Variants in CCT3 observed in about 807,000 individuals in gnomAD.
The protein encoded by CCT3 is chaperonin containing TCP1 subunit 3.
CCT3 carries 10 observed loss-of-function variants against 65.3 expected under a neutral mutation model. The observed-to-expected ratio is 0.15, with a 90% CI of 0.09 to 0.26. The LOEUF (loss-of-function observed/expected upper bound fraction) is 0.26. Ranked by LOEUF, CCT3 falls within the 10% of genes least tolerant of loss-of-function variation. The pLI is 1.00. For synonymous variants in CCT3, 225 were observed against 242.3 expected (o/e 0.93, Z 0.66); for missense variants, 626 against 708.7 (o/e 0.88, Z 1.33).
intron 10 of CCT3, among the ~76,000 whole-genome samples, chr1:156,316,702 A>G (rs1427097607): frequency 6.6e-6 from 1 of 152,248 alleles, no homozygotes; most frequent in African/African-American, 2.4e-5. Context: ...TCTATTAAAA[A>G]GAATGGTCTA....
At chr1:156,310,037 CAAAAAAAAAAA>C (rs71080758) in intron 13 of CCT3, among the ~76,000 whole-genome samples, 3 of 76,494 alleles carry the variant, frequency 3.9e-5, no homozygotes, top group African/African-American at 5.7e-5. Context: ...TAGTCTGTTT[CAAAAAAAAAAA>C]AAAAAAAAAA....
intron 4 of CCT3, among the ~76,000 whole-genome samples, chr1:156,334,002 C>T (rs1665221914): frequency 6.6e-6 from 1 of 152,100 alleles, no homozygotes; most frequent in Non-Finnish European, 1.5e-5. Context: ...CTTTGGGAGG[C>T]GGAGGCAGGT....
chr1:156,310,993 T>C lies in CCT3; in HGVS notation c.1358A>G (p.Gln453Arg), dbSNP rs1397026441. The C allele has an allele frequency of 6.2e-7, 1 of 1,614,106 alleles. No individual in the cohort carries two copies. Among genetic ancestry groups the C allele is most frequent in the Non-Finnish European group, 8.5e-7 (1 of 1,180,024 alleles). The change falls in exon 12 of 14, where the codon CAG (glutamine) becomes CGG (arginine). Residue 453 changes from glutamine to arginine, a missense_variant. Physicochemically the swap from Gln to Arg is conservative, Grantham distance 43 (BLOSUM62 1). Transcript: ENST00000295688. ...ALEVIPRTLI[Q>R]NCGASTIRLL... ...ACGGATGGTGCTGGCCCCACAGTTC[T>C]GGATCAGGGTACGAGGAATGACCTC...
chr1:156,323,659 G>A (rs1664671670), intron 6 of CCT3, among the ~76,000 whole-genome samples: 1 of 151,882 alleles, frequency 6.6e-6, no homozygotes, highest in African/African-American at 2.4e-5. Context: ...TAGAGATGGG[G>A]TTTCACCATG....
chr1:156,311,225 CAA>C, intron 11 of CCT3, 30 bp from the exon 12 acceptor site: 1 of 1,604,374 alleles, frequency 6.2e-7, no homozygotes, highest in Non-Finnish European at 8.5e-7. Flanking sequence ...AGTATGAAGC[CAA>C]AGCTTGATGA....
At chr1:156,335,269 T>C (rs975680460) in intron 2 of CCT3, 25 of 214,668 alleles carry the variant, frequency 1.2e-4, no homozygotes, top group Non-Finnish European at 1.9e-5. Flanking sequence ...CTCTGTTGTT[T>C]TTCTCCCCTT....
rs773818166 is a variant in CCT3, at chr1:156,333,597, C to T, written c.254G>A (p.Arg85Gln). 4.3e-6 allele frequency: 7 copies of T among 1,613,832 alleles called. No homozygotes were observed. The highest frequency in any genetic ancestry group is 1.3e-5 in the African/African-American group (1 of 74,902). Reference sequence around the variant, plus strand: ...ATCTCCAACCTCTTCATCCTGGGTCCGGCTAATTTCGATCATGGACTTGGC... The same window carrying T: ...ATCTCCAACCTCTTCATCCTGGGTCTGGCTAATTTCGATCATGGACTTGGC... ...PAAKSMIEIS[R>Q]TQDEEVGDGT... The change falls in exon 5 of 14, where the codon CGG becomes CAG. Residue 85 changes from arginine to glutamine, a missense_variant. Arg to Gln is a conservative substitution (Grantham distance 43). Coordinates refer to ENST00000295688, the MANE Select transcript of CCT3 (RefSeq NM_005998.5).
At position 156,320,828 on chromosome 1, in the gene CCT3, T is replaced by C; in HGVS notation, c.609+11A>G. 6.3e-7 allele frequency: 1 copy of C among 1,584,780 alleles called. No individual in the cohort carries two copies. The highest frequency in any genetic ancestry group is 8.7e-7 in the Non-Finnish European group (1 of 1,154,076). On this transcript the variant is annotated intron_variant, in intron 7 of 13. Coordinates refer to ENST00000295688, the MANE Select transcript of CCT3 (RefSeq NM_005998.5). ...ATAATTTGACCCAATGTATACACTT[T>C]GAAAGTTTACCTTTTCCACTCTTGC... is the stretch of plus-strand genomic sequence containing the variant.
chr1:156,326,262 A>G (rs567116654), intron 5 of CCT3, among the ~76,000 whole-genome samples: 3 of 152,154 alleles, frequency 2.0e-5, no homozygotes, highest in Non-Finnish European at 4.4e-5. Context: ...CCAGAAGGTC[A>G]AGGCTGCAGT....
At chr1:156,325,489 T>C (rs1320292801) in intron 5 of CCT3, among the ~76,000 whole-genome samples, 3 of 152,040 alleles carry the variant, frequency 2.0e-5, no homozygotes, top group African/African-American at 4.8e-5. Context: ...GACCGCACCA[T>C]TGCACTCCAA....
chr1:156,337,865 G>A, intron 1 of CCT3: 1 of 502,334 alleles, frequency 2.0e-6, no homozygotes, highest in South Asian at 3.0e-5. Flanking sequence ...CGCAGGGGCG[G>A]GGGAAGCGTG....
intron 5 of CCT3, among the ~76,000 whole-genome samples, chr1:156,327,626 G>A (rs1269601622): frequency 1.3e-5 from 2 of 152,084 alleles, no homozygotes; most frequent in East Asian, 3.9e-4. Context: ...GCAGTGGCGT[G>A]ATCTCGGCTC....
At chr1:156,324,056 C>A (rs940664958) in intron 6 of CCT3, among the ~76,000 whole-genome samples, 1 of 151,600 alleles carries the variant, frequency 6.6e-6, no homozygotes, top group Non-Finnish European at 1.5e-5. Context: ...AGCCACCATG[C>A]CCAGCCCAAG....
At position 156,317,169 on chromosome 1, in the gene CCT3, G is replaced by A. The variant is rs1381890116; in HGVS notation, c.971C>T (p.Ala324Val). The A allele has an allele frequency of 4.3e-6, 7 of 1,613,550 alleles. No homozygotes were observed. The highest frequency in any genetic ancestry group is 5.9e-6 in the Non-Finnish European group (7 of 1,179,574). ...TGTTTTTACCTGGCCTACTCACCTA[G>A]CAATGCGATTATTGTCTGTCTTCCG... ...RVRKTDNNRI[A>V]RACGARIVSR... The change falls in exon 10 of 14, where the codon GCT (alanine) becomes GTT (valine). Residue 324 changes from alanine (A) to valine (V), a missense_variant. Coordinates refer to ENST00000295688, the MANE Select transcript of CCT3 (RefSeq NM_005998.5).
At chr1:156,320,560 C>T (rs1664505044) in intron 7 of CCT3, among the ~76,000 whole-genome samples, 1 of 152,146 alleles carries the variant, frequency 6.6e-6, no homozygotes, top group African/African-American at 2.4e-5. Context: ...CCAGCCTGGG[C>T]AACATGAGAC....
chr1:156,326,927 T>A (rs193019437), intron 5 of CCT3, among the ~76,000 whole-genome samples: 46 of 152,220 alleles, frequency 3.0e-4, no homozygotes, highest in Non-Finnish European at 5.9e-4. Flanking sequence ...GTGTCTGTAA[T>A]CCCAGCTAGT....
At chr1:156,326,635 G>A (rs536734223) in intron 5 of CCT3, among the ~76,000 whole-genome samples, 9 of 131,924 alleles carry the variant, frequency 6.8e-5, no homozygotes, top group African/African-American at 2.6e-4. Context: ...AAGCCACAGA[G>A]TGAGACTCCA....
Position 156,318,863 on chromosome 1 carries a change from C to G in CCT3, c.759+5G>C. On this transcript the variant is annotated splice_donor_5th_base_variant and intron_variant, in intron 8 of 13. Coordinates refer to ENST00000295688, the MANE Select transcript of CCT3 (RefSeq NM_005998.5). ...TACTTTAAGGAACAAGGCCAAGAAC[C>G]TTACCTGGCTTTCTCCTTTCTTGTA... The G allele has an allele frequency of 6.2e-7, 1 of 1,610,720 alleles. No individual in the cohort carries two copies. Among genetic ancestry groups the G allele is most frequent in the Non-Finnish European group, 8.5e-7 (1 of 1,178,954 alleles).
chr1:156,324,823 T>C (rs1313918328), intron 6 of CCT3, 149 bp downstream of exon 6: 2 of 592,834 alleles, frequency 3.4e-6, no homozygotes, highest in Non-Finnish European at 6.1e-6. Flanking sequence ...CAGACGAGGT[T>C]TCACCATGTT....
Sources: gnomAD v4.1 joint callset for allele counts (sites outside exome capture counted in the v4.1 genomes callset) on GRCh38, gnomAD v4.1.1 for gene constraint, MANE v1.5 for transcripts, NCBI Gene and HGNC (gene_info 2026-07-23, HGNC 2026-07-21) for gene names.